HECW1: variants seen among roughly 807,000 people sequenced by gnomAD.
The protein encoded by HECW1 is HECT, C2 and WW domain containing E3 ubiquitin protein ligase 1, also known as E3 ubiquitin-protein ligase HECW1.
Under a neutral mutation model 182.3 loss-of-function variants are expected in HECW1, and 61 were observed. The observed-to-expected ratio is 0.33, with a 90% CI of 0.27 to 0.41. HECW1 has a LOEUF of 0.41. Ranked by LOEUF, HECW1 falls within the 10% of genes least tolerant of loss-of-function variation. HECW1 has a pLI of 1.00. For synonymous variants in HECW1, 859 were observed against 832.6 expected, an observed-to-expected ratio of 1.03 and a Z score of -0.55; for missense variants, 1,739 against 2,108.9, an observed-to-expected ratio of 0.82 and a Z score of 3.44.
Position 43,541,935 on chromosome 7 carries a change from G to A in HECW1, c.4185G>A (p.Lys1395=). ...TCCACCAGAGTTTGCAGTGGATGAA[G>A]GACAACAACATCACAGACATCTTAG... is the stretch of plus-strand genomic sequence containing the variant. ...EEFHQSLQWM[K]DNNITDILDL... is the part of the protein sequence containing the mutation. Residue 1395 remains lysine, a synonymous_variant, in exon 26 of 30, where the codon AAG becomes AAA. Coordinates refer to ENST00000395891, the MANE Select transcript of HECW1 (RefSeq NM_015052.5). 1 of 1,561,518 alleles carries A rather than the reference G, an allele frequency of 6.4e-7. No homozygotes were observed. Among genetic ancestry groups the A allele is most frequent in the Non-Finnish European group, 8.7e-7 (1 of 1,153,592 alleles).
intron 3 of HECW1, chr7:43,248,721 TC>T (rs1799712117): frequency 8.0e-6 from 1 of 125,136 alleles, no homozygotes; most frequent in Non-Finnish European, 1.6e-5. Flanking sequence ...CTCCTCCTCC[TC>T]CTCCTTTTCC....
In HECW1 at chr7:43,122,664, G is replaced by A. The variant is rs139660295; in HGVS notation, c.-32+8273G>A. On this transcript the variant is annotated intron_variant, in intron 2 of 29. Coordinates refer to ENST00000395891, the MANE Select transcript of HECW1 (RefSeq NM_015052.5). ...GTGTGACATCCTTGAGAAAAATAGC[G>A]GAAATTCACAAATTGTTATTTTCTC... Among the ~76,000 whole-genome samples the A allele has an allele frequency of 3.1e-3, 467 of 152,014 alleles. 1 individual carries two copies. Among genetic ancestry groups the A allele is most frequent in the African/African-American group, 9.6e-3 (396 of 41,462 alleles).
intron 3 of HECW1, among the ~76,000 whole-genome samples, chr7:43,300,837 G>A (rs1298977709): frequency 6.6e-6 from 1 of 152,140 alleles, no homozygotes; most frequent in African/African-American, 2.4e-5. Context: ...TGGAAAAGCA[G>A]GTACGATGAC....
At chr7:43,348,328 T>A (rs757024751) in intron 5 of HECW1, among the ~76,000 whole-genome samples, 3 of 152,166 alleles carry the variant, frequency 2.0e-5, no homozygotes, top group Non-Finnish European at 4.4e-5. Flanking sequence ...CCTTGAATAG[T>A]CTTTTGTATT....
chr7:43,479,606 G>A lies in HECW1; in HGVS notation c.3100-4G>A, dbSNP rs778472312. ...GGTGCTTTTTTTCACTGGTCTGTTC[G>A]CAGTCTTTTTTCGTGGACCACAACA... On this transcript the variant is annotated splice_region_variant and splice_polypyrimidine_tract_variant and intron_variant, in intron 16 of 29. Transcript: ENST00000395891. 2.5e-5 allele frequency: 41 copies of A among 1,613,844 alleles called. No individual in the cohort carries two copies. The South Asian group carries it at 3.5e-4, about 14-fold the overall frequency.
chr7:43,114,109 T>C, intron 1 of HECW1, 48 bp from the exon 2 acceptor site: 1 of 552,390 alleles, frequency 1.8e-6, no homozygotes, highest in Non-Finnish European at 2.9e-6. Flanking sequence ...TCTTGGAATC[T>C]GCAGTGGTGC....
At chr7:43,190,348 A>G (rs147116893) in intron 2 of HECW1, among the ~76,000 whole-genome samples, 2 of 152,100 alleles carry the variant, frequency 1.3e-5, no homozygotes, top group African/African-American at 4.8e-5. Flanking sequence ...TCCTGACCTC[A>G]TGATCCGCCC....
chr7:43,145,287 T>C (rs1393387039), intron 2 of HECW1, among the ~76,000 whole-genome samples: 6 of 152,162 alleles, frequency 3.9e-5, no homozygotes, highest in African/African-American at 1.4e-4. Context: ...GCTTTGCCCT[T>C]TCCTTCTTTC....
intron 16 of HECW1, among the ~76,000 whole-genome samples, chr7:43,479,297 G>A (rs996174354): frequency 6.6e-6 from 1 of 152,154 alleles, no homozygotes; most frequent in Non-Finnish European, 1.5e-5. Flanking sequence ...GTGCAACCCA[G>A]ATCCCACACA....
intron 8 of HECW1, among the ~76,000 whole-genome samples, chr7:43,428,595 T>C (rs1331647322): frequency 6.6e-6 from 1 of 152,206 alleles, no homozygotes; most frequent in East Asian, 1.9e-4. Flanking sequence ...TTAGACTTAC[T>C]GACTGATTGG....
intron 11 of HECW1, among the ~76,000 whole-genome samples, chr7:43,449,722 C>A (rs980390265): frequency 2.0e-5 from 3 of 152,214 alleles, no homozygotes; most frequent in Non-Finnish European, 2.9e-5. Context: ...AAGGCCTGAC[C>A]TTTGCCCTCT....
chr7:43,472,722 A>T (rs1030538354), intron 16 of HECW1, among the ~76,000 whole-genome samples: 1 of 152,188 alleles, frequency 6.6e-6, no homozygotes, highest in Non-Finnish European at 1.5e-5. Context: ...ATATCTACAC[A>T]TGTTCTGGAA....
At chr7:43,166,473 A>G (rs1246912281) in intron 2 of HECW1, among the ~76,000 whole-genome samples, 1 of 152,216 alleles carries the variant, frequency 6.6e-6, no homozygotes, top group Non-Finnish European at 1.5e-5. Flanking sequence ...AGCAGCACCC[A>G]GGCCAGCTGC....
At chr7:43,174,726 T>C (rs1452382888) in intron 2 of HECW1, among the ~76,000 whole-genome samples, 3 of 152,202 alleles carry the variant, frequency 2.0e-5, no homozygotes, top group Non-Finnish European at 2.9e-5. Context: ...TGTTTCCTTT[T>C]TGGGGGATGC....
At chr7:43,540,152 A>G (rs1268553636) in intron 24 of HECW1, among the ~76,000 whole-genome samples, 1 of 152,230 alleles carries the variant, frequency 6.6e-6, no homozygotes, top group East Asian at 1.9e-4. Context: ...ATTCATTTTA[A>G]CATCTTTATA....
intron 6 of HECW1, among the ~76,000 whole-genome samples, chr7:43,395,667 T>TCTCATAC (rs1316766632): frequency 4.6e-5 from 7 of 152,200 alleles, no homozygotes; most frequent in Admixed American, 4.6e-4. Context: ...CATTTGGGCT[T>TCTCATAC]CAGGGCAGTC....
At chr7:43,275,608 C>T (rs1239411477) in intron 3 of HECW1, among the ~76,000 whole-genome samples, 1 of 152,050 alleles carries the variant, frequency 6.6e-6, no homozygotes, top group Non-Finnish European at 1.5e-5. Flanking sequence ...GCACTAATCA[C>T]CTCCCCAAAT....
intron 4 of HECW1, among the ~76,000 whole-genome samples, chr7:43,319,497 G>A (rs1409159617): frequency 1.3e-5 from 2 of 149,784 alleles, no homozygotes; most frequent in East Asian, 2.0e-4. Context: ...CCCAGGCCTC[G>A]TCTCCTCCCT....
chr7:43,518,826 C>T (rs182616165), intron 24 of HECW1, among the ~76,000 whole-genome samples: 11 of 152,176 alleles, frequency 7.2e-5, no homozygotes, highest in Admixed American at 2.0e-4. Context: ...CACCTTATAA[C>T]GATCAAATTG....
Sources: allele counts gnomAD v4.1 joint callset (sites outside exome capture counted in the v4.1 genomes callset), GRCh38; gene constraint gnomAD v4.1.1; transcripts MANE v1.5; gene names NCBI Gene and HGNC (gene_info 2026-07-23, HGNC 2026-07-21).